SEMA3B: variants seen among roughly 807,000 people sequenced by gnomAD.
SEMA3B encodes the protein semaphorin-3B.
In SEMA3B, 71 loss-of-function variants were observed where a neutral mutation model predicts 77.8. That is an observed-to-expected ratio of 0.91 (90% CI 0.75 to 1.11). The LOEUF (loss-of-function observed/expected upper bound fraction) is 1.11. Ranked by LOEUF, SEMA3B falls within the 50% of genes most tolerant of loss-of-function variation. The probability of loss-of-function intolerance (pLI) is 0.00; values close to 1 mark genes in which losing one functional copy is unlikely to be tolerated. For missense variants in SEMA3B, 968 were observed against 1,056.8 expected (o/e 0.92, Z 1.17); for synonymous variants, 470 against 452.9 (o/e 1.04, Z -0.48).
Position 50,273,809 on chromosome 3 carries a change from G to A in SEMA3B, c.973G>A (p.Ala325Thr). The A allele has an allele frequency of 6.3e-7, 1 of 1,584,202 alleles. No homozygotes were observed. Residue 325 changes from alanine to threonine, a missense_variant, in exon 9 of 17, where the codon GCC (alanine) becomes ACC (threonine). By Grantham distance (58) the Ala-to-Thr change is moderately conservative. Coordinates refer to ENST00000616701, the MANE Select transcript of SEMA3B (RefSeq NM_001290060.2). The surrounding 1 kb of genome is among the most constrained non-coding windows in gnomAD (Gnocchi z 6.5). ...GGACCACCGGACCCCGCTGCTCTATGCCGTCTTCTCCACGTCCAGGTGAGG... is the reference window on the plus strand; with the variant it reads ...GGACCACCGGACCCCGCTGCTCTATACCGTCTTCTCCACGTCCAGGTGAGG... ...SRDHRTPLLYAVFSTSSSIFQ... is the reference protein window; with the variant it reads ...SRDHRTPLLYTVFSTSSSIFQ...
chr3:50,272,432 C>G (rs1028314462), intron 6 of SEMA3B, among the ~76,000 whole-genome samples: 1 of 149,456 alleles, frequency 6.7e-6, no homozygotes, highest in African/African-American at 2.5e-5. Context: ...AAAAATTGGC[C>G]GGGTGCAGTG....
chr3:50,275,063 C>G lies in SEMA3B; in HGVS notation c.1491+10C>G. The G allele has an allele frequency of 6.3e-7, 1 of 1,578,802 alleles. No individual in the cohort carries two copies. The highest frequency in any genetic ancestry group is 1.8e-4 in the Middle Eastern group (1 of 5,686). On this transcript the variant is annotated intron_variant, in intron 13 of 16. Transcript: ENST00000616701. The surrounding 1 kb of genome is among the most constrained non-coding windows in gnomAD (Gnocchi z 7.5). Reference sequence around the variant, plus strand: ...AATTTCTTCCAAGAGGGTGAGTGACCAGGATGGGGGTCGGGGTGGGATGGA... The same window carrying G: ...AATTTCTTCCAAGAGGGTGAGTGACGAGGATGGGGGTCGGGGTGGGATGGA...
chr3:50,275,921 G>A lies in SEMA3B; in HGVS notation c.1845+77G>A. 2.1e-6 allele frequency: 3 copies of A among 1,459,156 alleles called. No individual in the cohort carries two copies. Among genetic ancestry groups the A allele is most frequent in the Non-Finnish European group, 2.7e-6 (3 of 1,112,944 alleles). 90.4% of individuals were successfully genotyped at this position (1,459,156 alleles called of 1,614,324 possible). ...CAGGAGAGGCCCCGCCCTACCCAAC[G>A]AAGCCCCGTCCAACCAGACCCACTC... On this transcript the variant is annotated intron_variant, in intron 16 of 16. Coordinates refer to ENST00000616701, the MANE Select transcript of SEMA3B (RefSeq NM_001290060.2). This position sits in a 1 kb window ranked among gnomAD's most constrained non-coding sequence, Gnocchi z 7.5.
At chr3:50,271,250 C>T (rs2109238927) in intron 5 of SEMA3B, 69 bp downstream of exon 5, 1 of 1,546,322 alleles carries the variant, frequency 6.5e-7, no homozygotes, top group Non-Finnish European at 8.7e-7. Flanking sequence ...GTCCCAAGAC[C>T]CCCAAGAGCT....
chr3:50,271,385 C>A lies in SEMA3B; in HGVS notation c.569C>A (p.Ala190Glu). The A allele has an allele frequency of 1.3e-6, 2 of 1,586,332 alleles. No individual in the cohort carries two copies. Among genetic ancestry groups the A allele is most frequent in the Non-Finnish European group, 1.7e-6 (2 of 1,166,412 alleles). ...GGGGAGGAGCTATACTCAGGGGTGG[C>A]AGCAGACCTCATGGGACGAGACTTT... ...LVGEELYSGV[A>E]ADLMGRDFTI... The change falls in exon 6 of 17, where the codon GCA becomes GAA. Residue 190 changes from alanine (A) to glutamate (E), a missense_variant. By Grantham distance (107) the Ala-to-Glu change is moderately radical. Transcript: ENST00000616701.
At position 50,274,945 on chromosome 3, in the gene SEMA3B, ACC is replaced by A. The variant is rs1553706213; in HGVS notation, c.1449+15_1449+16del. Reference sequence around the variant, plus strand: ...CTGCACGTGTTTGAGGTGAGGCCTCACCCCCAGTCGCCCGGGACCCCCCCACC... The same window carrying A: ...CTGCACGTGTTTGAGGTGAGGCCTCACCCAGTCGCCCGGGACCCCCCCACC... On this transcript the variant is annotated intron_variant, in intron 12 of 16. Transcript: ENST00000616701. This position sits in a 1 kb window ranked among gnomAD's most constrained non-coding sequence, Gnocchi z 4.7. The A allele has an allele frequency of 6.2e-7, 1 of 1,603,962 alleles. No individual in the cohort carries two copies. Among genetic ancestry groups the A allele is most frequent in the African/African-American group, 1.3e-5 (1 of 74,522 alleles).
Position 50,275,496 on chromosome 3 carries a change from C to CG in SEMA3B, c.1649+38dup, listed in dbSNP as rs781818407. ...CGGGGTTGGGCCGCCGGGAGGGAGG[C>CG]GAAGGGTCTTTCACTGCCCGGGGCT... is the stretch of plus-strand genomic sequence containing the variant. On this transcript the variant is annotated intron_variant, in intron 14 of 16. Coordinates refer to ENST00000616701, the MANE Select transcript of SEMA3B (RefSeq NM_001290060.2). The surrounding 1 kb of genome is among the most constrained non-coding windows in gnomAD (Gnocchi z 7.5). The CG allele has an allele frequency of 5.7e-5, 92 of 1,608,840 alleles. No individual in the cohort carries two copies. Among genetic ancestry groups the CG allele is most frequent in the Non-Finnish European group, 3.0e-5 (35 of 1,176,444 alleles).
In SEMA3B at chr3:50,276,628, G is replaced by C. The variant is rs1232893263; in HGVS notation, c.2172G>C (p.Arg724=). The change falls in exon 17 of 17, where the codon CGG becomes CGC. Residue 724 remains arginine, a synonymous_variant. Transcript: ENST00000616701. This position sits in a 1 kb window ranked among gnomAD's most constrained non-coding sequence, Gnocchi z 5.8. Reference sequence around the variant, plus strand: ...TGCAGTCACTGCCCCTGGAGTCGCGGAGAAAGGGCCGTAACCGGAGGACCC... The same window carrying C: ...TGCAGTCACTGCCCCTGGAGTCGCGCAGAAAGGGCCGTAACCGGAGGACCC... ...PALQSLPLES[R]RKGRNRRTHA... 1.3e-6 allele frequency: 2 copies of C among 1,594,084 alleles called. No individual in the cohort carries two copies. The highest frequency in any genetic ancestry group is 1.1e-5 in the South Asian group (1 of 89,006).
At chr3:50,271,823 A>G (rs1342100561) in intron 6 of SEMA3B, among the ~76,000 whole-genome samples, 1 of 152,224 alleles carries the variant, frequency 6.6e-6, no homozygotes, top group Non-Finnish European at 1.5e-5. Flanking sequence ...ACAGCTAGCC[A>G]GCAAAATTTA....
At chr3:50,272,668 G>A (rs369060130) in intron 6 of SEMA3B, among the ~76,000 whole-genome samples, 29 of 150,640 alleles carry the variant, frequency 1.9e-4, no homozygotes, top group African/African-American at 7.1e-4. Flanking sequence ...TGGAGACTGT[G>A]CCACTGCATT....
At position 50,269,480 on chromosome 3, in the gene SEMA3B, G is replaced by A. The variant is rs1231159667; in HGVS notation, c.109+131G>A. On this transcript the variant is annotated intron_variant, in intron 1 of 16. Transcript: ENST00000616701. The surrounding 1 kb of genome is among the most constrained non-coding windows in gnomAD (Gnocchi z 4.0). ...TCACCAGACTCTGGTAGGATTAGTGGGCACTCTCAGGCCACCTCCAGTTAA... is the reference window on the plus strand; with the variant it reads ...TCACCAGACTCTGGTAGGATTAGTGAGCACTCTCAGGCCACCTCCAGTTAA... The A allele has an allele frequency of 4.9e-6, 3 of 608,268 alleles. No individual in the cohort carries two copies. Among genetic ancestry groups the A allele is most frequent in the East Asian group, 2.9e-5 (1 of 34,330 alleles). The allele number at this position is 608,268 out of a possible 1,614,324, so 37.7% of individuals were successfully genotyped here. A position where few individuals can be genotyped will look rare whatever the true frequency, so the allele number is the denominator to read the frequency against.
At chr3:50,266,585 A>G (rs1384192087), upstream of SEMA3B, 3 of 152,284 alleles carry the variant, frequency 2.0e-5, no homozygotes, top group African/African-American at 7.2e-5. Context: ...CTGCCCCATC[A>G]GCCTTGGGAG....
In SEMA3B at chr3:50,274,609, A is replaced by G; in HGVS notation, c.1357+27A>G. ...TCAGGGTCCCTCCACAGCGACCCCC[A>G]GGCTCCCAGCCAGGCCCTGTGGGCT... On this transcript the variant is annotated intron_variant, in intron 11 of 16. Transcript: ENST00000616701. The surrounding 1 kb of genome is among the most constrained non-coding windows in gnomAD (Gnocchi z 4.7). 6.6e-7 allele frequency: 1 copy of G among 1,513,338 alleles called. No individual in the cohort carries two copies. The highest frequency in any genetic ancestry group is 1.3e-5 in the South Asian group (1 of 75,020). The allele number at this position is 1,513,338 out of a possible 1,614,324, so 93.7% of individuals were successfully genotyped here.
Position 50,276,099 on chromosome 3 carries a change from T to G in SEMA3B, c.1846-203T>G. On this transcript the variant is annotated intron_variant, in intron 16 of 16. Transcript: ENST00000616701. This position sits in a 1 kb window ranked among gnomAD's most constrained non-coding sequence, Gnocchi z 5.8. The stretch of plus-strand genomic sequence containing the variant: ...GGTCCCTGACCACCCCCCACCAAGT[T>G]CATGTAAACCCCGCCTCTTTCGGAT... 1 of 772,144 alleles carries G rather than the reference T, an allele frequency of 1.3e-6. No individual in the cohort carries two copies. The highest frequency in any genetic ancestry group is 1.9e-6 in the Non-Finnish European group (1 of 518,182). The allele number at this position is 772,144 out of a possible 1,614,324, so 47.8% of individuals were successfully genotyped here. A position where few individuals can be genotyped will look rare whatever the true frequency, so the allele number is the denominator to read the frequency against.
Position 50,273,336 on chromosome 3 carries a change from G to A in SEMA3B, c.703G>A (p.Glu235Lys). 3 of 1,614,004 alleles carry A rather than the reference G, an allele frequency of 1.9e-6. No homozygotes were observed. The highest frequency in any genetic ancestry group is 1.7e-6 in the Non-Finnish European group (2 of 1,179,866). The part of the protein sequence containing the change: ...FVKVFWIPES[E>K]NPDDDKIYFF... ...CAAGGTATTTTGGATCCCGGAGAGC[G>A]AGAACCCAGACGACGACAAAATCTA... Residue 235 changes from glutamate (E) to lysine (K), a missense_variant, in exon 7 of 17, where the codon GAG becomes AAG. Physicochemically the swap from Glu to Lys is moderately conservative, Grantham distance 56. Transcript: ENST00000616701. The surrounding 1 kb of genome is among the most constrained non-coding windows in gnomAD (Gnocchi z 6.5).
Position 50,274,278 on chromosome 3 carries a change from T to G in SEMA3B, c.1138-85T>G. 1 of 1,252,094 alleles carries G rather than the reference T, an allele frequency of 8.0e-7. No homozygotes were observed. Among genetic ancestry groups the G allele is most frequent in the Non-Finnish European group, 1.1e-6 (1 of 905,030 alleles). 77.6% of individuals were successfully genotyped at this position (1,252,094 alleles called of 1,614,324 possible). A position where few individuals can be genotyped will look rare whatever the true frequency, so the allele number is the denominator to read the frequency against. On this transcript the variant is annotated intron_variant, in intron 10 of 16. Coordinates refer to ENST00000616701, the MANE Select transcript of SEMA3B (RefSeq NM_001290060.2). This position sits in a 1 kb window ranked among gnomAD's most constrained non-coding sequence, Gnocchi z 4.7. Reference sequence around the variant, plus strand: ...AGGGTTCTGTCCCCATCCCCCTCCATGTTCCCAGAGGCTGGGCATGGAGGG... The same window carrying G: ...AGGGTTCTGTCCCCATCCCCCTCCAGGTTCCCAGAGGCTGGGCATGGAGGG...
rs1575472319 is a variant in SEMA3B, at chr3:50,274,256, G to A, written c.1138-107G>A. 8.1e-7 allele frequency: 1 copy of A among 1,238,582 alleles called. No individual in the cohort carries two copies. Among genetic ancestry groups the A allele is most frequent in the African/African-American group, 1.5e-5 (1 of 65,504 alleles). 76.7% of individuals were successfully genotyped at this position (1,238,582 alleles called of 1,614,324 possible). On this transcript the variant is annotated intron_variant, in intron 10 of 16. Transcript: ENST00000616701. The surrounding 1 kb of genome is among the most constrained non-coding windows in gnomAD (Gnocchi z 4.7). ...TCTCCTCTCTAATTCTCAGGGCAGG[G>A]TTCTGTCCCCATCCCCCTCCATGTT...
rs1701229320 is a variant in SEMA3B, at chr3:50,276,081, GA to G, written c.1846-220del. ...CCTCGACCCTCCCATTAAGGTCCCT[GA>G]CCACCCCCCACCAAGTTCATGTAAA... is the stretch of plus-strand genomic sequence containing the variant. On this transcript the variant is annotated intron_variant, in intron 16 of 16. Transcript: ENST00000616701. This position sits in a 1 kb window ranked among gnomAD's most constrained non-coding sequence, Gnocchi z 5.8. 1.3e-6 allele frequency: 1 copy of G among 783,650 alleles called. No individual in the cohort carries two copies. The highest frequency in any genetic ancestry group is 1.8e-5 in the African/African-American group (1 of 54,862). 48.5% of individuals were successfully genotyped at this position (783,650 alleles called of 1,614,324 possible).
Position 50,273,820 on chromosome 3 carries a change from C to T in SEMA3B, c.984C>T (p.Ser328=), listed in dbSNP as rs1462196958. 3.9e-5 allele frequency: 61 copies of T among 1,580,656 alleles called. No individual in the cohort carries two copies. The highest frequency in any genetic ancestry group is 5.1e-5 in the Non-Finnish European group (59 of 1,163,838). ...CCCCGCTGCTCTATGCCGTCTTCTC[C>T]ACGTCCAGGTGAGGGGCAGGAGGTA... ...HRTPLLYAVF[S]TSSSIFQGSA... is the part of the protein sequence containing the mutation. The change falls in exon 9 of 17, where the codon TCC becomes TCT. Residue 328 remains serine (S), a synonymous_variant. Coordinates refer to ENST00000616701, the MANE Select transcript of SEMA3B (RefSeq NM_001290060.2). The surrounding 1 kb of genome is among the most constrained non-coding windows in gnomAD (Gnocchi z 6.5).
Sources: gnomAD v4.1 joint callset for allele counts (sites outside exome capture counted in the v4.1 genomes callset) on GRCh38, gnomAD v4.1.1 for gene constraint, Gnocchi (gnomAD v3.1) non-coding constraint, MANE v1.5 for transcripts, NCBI Gene and HGNC (gene_info 2026-07-23, HGNC 2026-07-21) for gene names.